PLD5: variants seen among roughly 807,000 people sequenced by gnomAD.
PLD5 encodes phospholipase D family member 5, also known as inactive phospholipase D5.
PLD5 carries 36 observed loss-of-function variants against 61.1 expected under a neutral mutation model. That is an observed-to-expected ratio of 0.59 (90% CI 0.45 to 0.78). PLD5 has a LOEUF of 0.78. Ranked by LOEUF, PLD5 falls within the 30% of genes least tolerant of loss-of-function variation. PLD5 has a pLI of 0.00. For synonymous variants in PLD5, 243 were observed against 242.8 expected (o/e 1.00, Z -0.01); for missense variants, 515 against 644.4 (o/e 0.80, Z 2.17).
chr1:242,403,496 G>A (rs1992277), intron 1 of PLD5, among the ~76,000 whole-genome samples: 28,811 of 144,292 alleles, frequency 0.2, 3,244 homozygotes, highest in Admixed American at 0.28. Context: ...AAGATATCTC[G>A]CTCCGTCATC....
chr1:242,109,132 G>A (rs141020881), intron 7 of PLD5, among the ~76,000 whole-genome samples: 4 of 152,278 alleles, frequency 2.6e-5, no homozygotes, highest in African/African-American at 7.2e-5. Context: ...GTACTTCATC[G>A]ATGACCACCG....
At chr1:242,445,064 C>T (rs1378482816) in intron 1 of PLD5, among the ~76,000 whole-genome samples, 2 of 152,114 alleles carry the variant, frequency 1.3e-5, no homozygotes, top group Non-Finnish European at 2.9e-5. Flanking sequence ...GTTTCTCCCA[C>T]CTCCCAAACT....
chr1:242,471,282 T>TA (rs1451881674), intron 1 of PLD5, among the ~76,000 whole-genome samples: 107 of 112,604 alleles, frequency 9.5e-4, no homozygotes, highest in African/African-American at 4.5e-3. Context: ...GAAATAATTT[T>TA]GGAAAAAAAA....
At chr1:242,453,661 G>A (rs1474265054) in intron 1 of PLD5, among the ~76,000 whole-genome samples, 8 of 152,186 alleles carry the variant, frequency 5.3e-5, no homozygotes, top group South Asian at 2.1e-4. Context: ...TGGCCACTGC[G>A]ACACCCACTC....
intron 5 of PLD5, among the ~76,000 whole-genome samples, chr1:242,158,001 C>T (rs527882244): frequency 6.7e-6 from 1 of 148,974 alleles, no homozygotes; most frequent in South Asian, 2.1e-4. Context: ...TTCAGAGATG[C>T]CCTTCCCAGA....
intron 1 of PLD5, among the ~76,000 whole-genome samples, chr1:242,505,243 G>T (rs996077376): frequency 6.6e-6 from 1 of 152,156 alleles, no homozygotes; most frequent in Admixed American, 6.5e-5. Flanking sequence ...CTAAAAAACT[G>T]TCAAGTGAAT....
chr1:242,431,663 T>C (rs940592102), intron 1 of PLD5, among the ~76,000 whole-genome samples: 1 of 152,206 alleles, frequency 6.6e-6, no homozygotes, highest in Non-Finnish European at 1.5e-5. Flanking sequence ...CCAGATTTAA[T>C]TGTGTAAACA....
intron 1 of PLD5, among the ~76,000 whole-genome samples, chr1:242,423,489 C>T (rs955431756): frequency 7.9e-5 from 12 of 152,062 alleles, no homozygotes; most frequent in Non-Finnish European, 1.6e-4. Flanking sequence ...ACCTGGTAAC[C>T]CTGCGTAAAT....
chr1:242,328,494 T>C (rs1207612278), intron 2 of PLD5, among the ~76,000 whole-genome samples: 1 of 152,202 alleles, frequency 6.6e-6, no homozygotes, highest in Admixed American at 6.5e-5. Context: ...ATTTATGTGT[T>C]CTACATATGT....
chr1:242,477,850 A>G (rs1236003478), intron 1 of PLD5, among the ~76,000 whole-genome samples: 1 of 152,194 alleles, frequency 6.6e-6, no homozygotes, highest in Non-Finnish European at 1.5e-5. Context: ...CCTTGGAACA[A>G]TCTGTTCCAG....
chr1:242,358,657 T>G (rs538911847), intron 1 of PLD5, among the ~76,000 whole-genome samples: 2 of 151,938 alleles, frequency 1.3e-5, no homozygotes, highest in South Asian at 4.2e-4. Flanking sequence ...TGGAATATAC[T>G]GCTATCTGGA....
chr1:242,157,686 T>G (rs1246954339), intron 5 of PLD5, among the ~76,000 whole-genome samples: 1 of 152,340 alleles, frequency 6.6e-6, no homozygotes, highest in East Asian at 1.9e-4. Context: ...CAAAGATTGC[T>G]GCCTGTTCTT....
intron 2 of PLD5, among the ~76,000 whole-genome samples, chr1:242,329,060 G>A (rs2149198897): frequency 6.6e-6 from 1 of 151,872 alleles, no homozygotes; most frequent in Admixed American, 6.6e-5. Flanking sequence ...CCAGGGTGGA[G>A]TGCAGTGGTG....
chr1:242,371,734 G>T (rs971864445), intron 1 of PLD5, among the ~76,000 whole-genome samples: 15 of 152,150 alleles, frequency 9.9e-5, no homozygotes, highest in Non-Finnish European at 1.8e-4. Context: ...TTACAAGGGG[G>T]CTACAGAAAT....
chr1:242,190,162 T>TTC (rs1397963206), intron 5 of PLD5, among the ~76,000 whole-genome samples: 1 of 145,580 alleles, frequency 6.9e-6, no homozygotes, highest in African/African-American at 2.6e-5. Context: ...TTTTTTTTTT[T>TTC]TGAGACGGAG....
chr1:242,100,931 G>T, intron 8 of PLD5, 149 bp from the exon 9 acceptor site: 1 of 600,446 alleles, frequency 1.7e-6, no homozygotes, highest in South Asian at 2.2e-5. Context: ...TATAGATGAA[G>T]CTATTTTTGT....
chr1:242,263,694 G>T (rs952524597), intron 4 of PLD5, among the ~76,000 whole-genome samples: 7 of 152,132 alleles, frequency 4.6e-5, no homozygotes, highest in African/African-American at 1.7e-4. Context: ...CAGAATCTAA[G>T]TTGTAGTAGT....
intron 5 of PLD5, among the ~76,000 whole-genome samples, chr1:242,207,932 T>TTATTTATA (rs1669524595): frequency 3.2e-5 from 1 of 30,834 alleles, no homozygotes; most frequent in African/African-American, 1.8e-4. Context: ...TTATATATAT[T>TTATTTATA]TATATATTTA....
chr1:242,145,588 A>T (rs796280260), intron 5 of PLD5, among the ~76,000 whole-genome samples: 1 of 152,216 alleles, frequency 6.6e-6, no homozygotes, highest in African/African-American at 2.4e-5. Flanking sequence ...GTCATAGATG[A>T]TAAGAACTTT....
Sources: allele counts gnomAD v4.1 joint callset (sites outside exome capture counted in the v4.1 genomes callset), GRCh38; gene constraint gnomAD v4.1.1; transcripts MANE v1.5; gene names NCBI Gene and HGNC (gene_info 2026-07-23, HGNC 2026-07-21).